ZBTB7C: variants seen among roughly 807,000 people sequenced by gnomAD.
ZBTB7C encodes the protein zinc finger and BTB domain-containing protein 7C.
In ZBTB7C, 8 loss-of-function variants were observed where a neutral mutation model predicts 25.7. The observed-to-expected ratio is 0.31, with a 90% confidence interval of 0.18 to 0.56. ZBTB7C has a LOEUF of 0.56. ZBTB7C is among the 20% of genes least tolerant of loss of function. ZBTB7C has a pLI of 0.91. For synonymous variants in ZBTB7C, 394 were observed against 369.0 expected, an observed-to-expected ratio of 1.07 and a Z score of -0.78; for missense variants, 824 against 855.2, an observed-to-expected ratio of 0.96 and a Z score of 0.46.
At chr18:48,113,941 T>G (rs763333636) in intron 3 of ZBTB7C, among the ~76,000 whole-genome samples, 1 of 151,968 alleles carries the variant, frequency 6.6e-6, no homozygotes, top group Non-Finnish European at 1.5e-5. Context: ...ATTCACTCTG[T>G]GTCTCCATCT....
rs145227974 is a variant in ZBTB7C at position 48,294,057 on chromosome 18, C to T, written c.-79+44117G>A. ...ATGGCCACCGTGGGAGTCATTAGCA[C>T]GAATGCGGTGTTTACCTCCCTGGGG... On this transcript the variant is annotated intron_variant, in intron 2 of 4. Coordinates refer to ENST00000590800, the MANE Select transcript of ZBTB7C (RefSeq NM_001318841.2). 2.9e-3 allele frequency among the ~76,000 whole-genome samples: 443 copies of T among 152,324 alleles called. 3 individuals are homozygous for T. Among genetic ancestry groups the T allele is most frequent in the African/African-American group, 8.7e-3 (361 of 41,566 alleles).
chr18:48,136,819 C>T (rs1223723653), intron 3 of ZBTB7C, among the ~76,000 whole-genome samples: 1 of 152,110 alleles, frequency 6.6e-6, no homozygotes. Context: ...CCGCCACCCG[C>T]GCCAGCCAGA....
intron 1 of ZBTB7C, among the ~76,000 whole-genome samples, chr18:48,368,519 A>T (rs72919601): frequency 6.6e-6 from 1 of 152,156 alleles, no homozygotes; most frequent in Non-Finnish European, 1.5e-5. Flanking sequence ...AAACGGGTAG[A>T]GCTGAAAAGG....
At chr18:48,173,113 G>A (rs993655895) in intron 3 of ZBTB7C, among the ~76,000 whole-genome samples, 3 of 152,182 alleles carry the variant, frequency 2.0e-5, no homozygotes, top group Non-Finnish European at 2.9e-5. Flanking sequence ...GGAGTGGACA[G>A]TTAGTTTACT....
At chr18:48,400,744 A>C (rs1229060176) in intron 1 of ZBTB7C, among the ~76,000 whole-genome samples, 7 of 152,216 alleles carry the variant, frequency 4.6e-5, no homozygotes, top group African/African-American at 7.2e-5. Context: ...AAAATATATG[A>C]TTGAAGTTAA....
rs118125890 is a variant in ZBTB7C at position 48,215,718 on chromosome 18, G to A, written c.-78-29723C>T. 3.5e-3 allele frequency among the ~76,000 whole-genome samples: 527 copies of A among 152,314 alleles called. 6 individuals carry two copies. Among genetic ancestry groups the A allele is most frequent in the East Asian group, 0.027 (141 of 5,182 alleles). ...TTTCCCATTTAGACCTTTAAAAGGT[G>A]CTGGTCTCTCAGCTACTCTCTTCAG... On this transcript the variant is annotated intron_variant, in intron 2 of 4. Coordinates refer to ENST00000590800, the MANE Select transcript of ZBTB7C (RefSeq NM_001318841.2).
intron 1 of ZBTB7C, among the ~76,000 whole-genome samples, chr18:48,357,332 T>G (rs760625149): frequency 2.0e-5 from 3 of 152,162 alleles, no homozygotes; most frequent in African/African-American, 7.2e-5. Flanking sequence ...CACCTTCTTG[T>G]TGATTTTGCT....
At chr18:48,334,373 C>T (rs1178427865) in intron 2 of ZBTB7C, among the ~76,000 whole-genome samples, 1 of 152,152 alleles carries the variant, frequency 6.6e-6, no homozygotes, top group Non-Finnish European at 1.5e-5. Context: ...ATGGGAACAC[C>T]TAGTTGAGTC....
chr18:48,368,151 C>T (rs2047294463), intron 1 of ZBTB7C, among the ~76,000 whole-genome samples: 1 of 150,570 alleles, frequency 6.6e-6, no homozygotes, highest in African/African-American at 2.4e-5. Flanking sequence ...TTAGAATTAT[C>T]TGACAAAGAT....
intron 1 of ZBTB7C, among the ~76,000 whole-genome samples, chr18:48,406,604 A>C (rs1426675179): frequency 6.6e-6 from 1 of 152,018 alleles, no homozygotes; most frequent in Admixed American, 6.5e-5. Context: ...CTTCTGTAGG[A>C]CCCCTAAACA....
At chr18:48,056,255 C>T (rs2036910786) in intron 3 of ZBTB7C, among the ~76,000 whole-genome samples, 1 of 152,222 alleles carries the variant, frequency 6.6e-6, no homozygotes, top group South Asian at 2.1e-4. Context: ...AAAGATACAA[C>T]TCGTATTTGG....
At chr18:48,284,948 T>C (rs190859710) in intron 2 of ZBTB7C, among the ~76,000 whole-genome samples, 109 of 152,344 alleles carry the variant, frequency 7.2e-4, no homozygotes, top group Admixed American at 3.7e-3. Flanking sequence ...GACTAATGCG[T>C]AAAGGCAGAG....
At chr18:48,241,449 A>G (rs1432819348) in intron 2 of ZBTB7C, among the ~76,000 whole-genome samples, 1 of 152,196 alleles carries the variant, frequency 6.6e-6, no homozygotes, top group African/African-American at 2.4e-5. Context: ...AGACCATATA[A>G]TAGGCCATAA....
intron 3 of ZBTB7C, among the ~76,000 whole-genome samples, chr18:48,097,382 G>GTTGTTGTTGTTATTATTA (rs10651143): frequency 6.9e-6 from 1 of 144,968 alleles, no homozygotes; most frequent in East Asian, 2.0e-4. Context: ...TATTGTTGTT[G>GTTGTTGTTGTTATTATTA]TTATTATTAT....
chr18:48,038,541 A>C (rs1264536981), intron 4 of ZBTB7C, among the ~76,000 whole-genome samples: 2 of 146,448 alleles, frequency 1.4e-5, no homozygotes, highest in Non-Finnish European at 3.0e-5. Flanking sequence ...ACTTTAGAGG[A>C]CTCATCTTTT....
chr18:48,405,618 C>T (rs183644500), intron 1 of ZBTB7C, among the ~76,000 whole-genome samples: 9 of 152,312 alleles, frequency 5.9e-5, no homozygotes, highest in Non-Finnish European at 1.2e-4. Flanking sequence ...GTGGAAAATC[C>T]TTGTGTCCTA....
At chr18:48,227,542 C>T (rs549346647) in intron 2 of ZBTB7C, among the ~76,000 whole-genome samples, 1 of 152,322 alleles carries the variant, frequency 6.6e-6, no homozygotes, top group Admixed American at 6.5e-5. Flanking sequence ...CTCCCTTTGC[C>T]ACAGGAATTT....
chr18:48,215,191 C>T (rs1325910214), intron 2 of ZBTB7C, among the ~76,000 whole-genome samples: 1 of 152,188 alleles, frequency 6.6e-6, no homozygotes, highest in Non-Finnish European at 1.5e-5. Flanking sequence ...ATTAGCAGAA[C>T]CTTAGAAGAC....
intron 3 of ZBTB7C, among the ~76,000 whole-genome samples, chr18:48,090,138 A>G (rs1203856390): frequency 6.6e-6 from 1 of 152,236 alleles, no homozygotes; most frequent in East Asian, 1.9e-4. Flanking sequence ...CAGAGACAGC[A>G]TGTGGTTTTT....
Sources: gnomAD v4.1 joint callset for allele counts (sites outside exome capture counted in the v4.1 genomes callset) on GRCh38, gnomAD v4.1.1 for gene constraint, MANE v1.5 for transcripts, NCBI Gene and HGNC (gene_info 2026-07-23, HGNC 2026-07-21) for gene names.